Variants in MANBA observed in about 807,000 individuals in gnomAD.
MANBA encodes the protein mannosidase beta.
A neutral mutation model predicts 111.1 loss-of-function variants in MANBA; 83 were observed. The ratio of observed to expected loss-of-function variants is 0.75; its 90% CI spans 0.63 to 0.90. The LOEUF is 0.90. Among genes scored for constraint, MANBA ranks in the 40% least tolerant of loss-of-function variants. The pLI, the probability that MANBA is intolerant of heterozygous loss-of-function variation, is 0.00. For missense variants in MANBA, 1,036 were observed against 1,069.0 expected (o/e 0.97, Z 0.43); for synonymous variants, 370 against 378.7 (o/e 0.98, Z 0.27).
At chr4:102,674,185 C>A in intron 7 of MANBA, 115 bp from the exon 8 acceptor site, 1 of 746,916 alleles carries the variant, frequency 1.3e-6, no homozygotes. Flanking sequence ...TGCTAATTTT[C>A]CTATTTACTA....
chr4:102,655,481 G>A (rs1359986718), intron 12 of MANBA, among the ~76,000 whole-genome samples: 1 of 152,182 alleles, frequency 6.6e-6, no homozygotes, highest in African/African-American at 2.4e-5. Flanking sequence ...GAACAGAATT[G>A]AGAATTCAGA....
At chr4:102,758,124 A>G (rs1724096729) in intron 1 of MANBA, among the ~76,000 whole-genome samples, 1 of 152,216 alleles carries the variant, frequency 6.6e-6, no homozygotes, top group East Asian at 1.9e-4. Context: ...ATGCTTTCCA[A>G]CCAGCCTTCA....
intron 14 of MANBA, among the ~76,000 whole-genome samples, chr4:102,639,265 T>G (rs1578860116): frequency 1.3e-5 from 2 of 152,308 alleles, no homozygotes; most frequent in Middle Eastern, 3.4e-3. Context: ...ACATCTTTAT[T>G]TGTCCTTAAA....
intron 2 of MANBA, among the ~76,000 whole-genome samples, chr4:102,724,910 C>T (rs1722736054): frequency 6.6e-6 from 1 of 152,180 alleles, no homozygotes; most frequent in African/African-American, 2.4e-5. Flanking sequence ...GAATGAAGTA[C>T]TGATACATGC....
Position 102,631,858 on chromosome 4 carries a change from T to C in MANBA, c.*199A>G. 1.6e-6 allele frequency: 1 copy of C among 643,702 alleles called. No homozygotes were observed. Among genetic ancestry groups the C allele is most frequent in the East Asian group, 2.7e-5 (1 of 36,948 alleles). 39.9% of individuals were successfully genotyped at this position (643,702 alleles called of 1,614,324 possible). A position where few individuals can be genotyped will look rare whatever the true frequency, so the allele number is the denominator to read the frequency against. On this transcript the variant is annotated 3_prime_UTR_variant, in exon 17 of 17. Transcript: ENST00000647097. ...TCCAGGACACCCCGGCACAGGCTTG[T>C]TTGAGGACATTGCCTGGGTAAACAG...
intron 12 of MANBA, among the ~76,000 whole-genome samples, chr4:102,654,970 A>C (rs1730497240): frequency 1.3e-5 from 2 of 152,214 alleles, no homozygotes; most frequent in African/African-American, 2.4e-5. Context: ...ATATTATTAG[A>C]GCTAATAAAT....
Position 102,640,374 on chromosome 4 carries a change from T to C in MANBA, c.1870-517A>G, listed in dbSNP as rs115900479. ...TCAAACAATTGTTTTGATGTCATGA[T>C]TTTTGGTAATGTAAGATTTCTCATG... On this transcript the variant is annotated intron_variant, in intron 13 of 16. Coordinates refer to ENST00000647097, the MANE Select transcript of MANBA (RefSeq NM_005908.4). Among the ~76,000 whole-genome samples, 532 of 152,342 alleles carry C rather than the reference T, an allele frequency of 3.5e-3. 5 individuals carry two copies. Among genetic ancestry groups the C allele is most frequent in the Non-Finnish European group, 6.0e-3 (407 of 68,034 alleles).
intron 7 of MANBA, chr4:102,681,534 T>G (rs923804817): frequency 2.0e-5 from 3 of 152,126 alleles, no homozygotes; most frequent in Non-Finnish European, 4.4e-5. Context: ...AAATATGCAC[T>G]TACCAAGCAA....
At chr4:102,725,096 T>G (rs1722742893) in intron 2 of MANBA, among the ~76,000 whole-genome samples, 1 of 151,266 alleles carries the variant, frequency 6.6e-6, no homozygotes, top group Non-Finnish European at 1.5e-5. Context: ...GCAGGAGGAG[T>G]GGGCAATGGG....
intron 12 of MANBA, among the ~76,000 whole-genome samples, chr4:102,657,222 T>TGGGGGGGG (rs1553944231): frequency 7.7e-5 from 4 of 52,202 alleles, no homozygotes; most frequent in Admixed American, 2.5e-4. Context: ...AGGAGTGGGG[T>TGGGGGGGG]GGGGGGGGGG....
chr4:102,729,818 C>G lies in MANBA; in HGVS notation c.178-3135G>C, dbSNP rs188977973. On this transcript the variant is annotated intron_variant, in intron 1 of 16. Transcript: ENST00000647097. ...GCAGGAGGCTCCACTTAGTCTCCAG[C>G]ATCTTGTTCTACTGCTCCAGGAACC... is the stretch of plus-strand genomic sequence containing the variant. 123 of 1,251,680 alleles carry G rather than the reference C, an allele frequency of 9.8e-5. No individual in the cohort carries two copies. The African/African-American group carries it at 1.7e-3, about 17-fold the overall frequency. 77.5% of individuals were successfully genotyped at this position (1,251,680 alleles called of 1,614,324 possible).
At chr4:102,691,796 C>A (rs985689057) in intron 5 of MANBA, among the ~76,000 whole-genome samples, 1 of 152,172 alleles carries the variant, frequency 6.6e-6, no homozygotes, top group African/African-American at 2.4e-5. Context: ...GCATGAGCCA[C>A]CATGCCTGGC....
At position 102,650,575 on chromosome 4, in the gene MANBA, G is replaced by T; in HGVS notation, c.1831C>A (p.Pro611Thr). The T allele has an allele frequency of 6.2e-7, 1 of 1,613,436 alleles. No homozygotes were observed. Among genetic ancestry groups the T allele is most frequent in the African/African-American group, 1.3e-5 (1 of 75,016 alleles). ...ATGGTATCTTTAAATGTGCGTAATG[G>T]ATCTGTGCTTTGGGGGAGTTTGAAA... ...LHFKLPQSTD[P>T]LRTFKDTIYL... is the part of the protein sequence containing the mutation. Residue 611 changes from proline to threonine, a missense_variant, in exon 13 of 17, where the codon CCA becomes ACA. Coordinates refer to ENST00000647097, the MANE Select transcript of MANBA (RefSeq NM_005908.4).
chr4:102,646,016 A>G (rs1578865723), intron 13 of MANBA, among the ~76,000 whole-genome samples: 1 of 152,132 alleles, frequency 6.6e-6, no homozygotes, highest in African/African-American at 2.4e-5. Context: ...CATTGCCCTG[A>G]GTCCTTAGGC....
rs1392022077 is a variant in MANBA at position 102,760,769 on chromosome 4, C to T, written c.126G>A (p.Gly42=). 130 of 1,550,980 alleles carry T rather than the reference C, an allele frequency of 8.4e-5. No individual in the cohort carries two copies. Among genetic ancestry groups the T allele is most frequent in the Non-Finnish European group, 1.1e-4 (130 of 1,147,714 alleles). Residue 42 remains glycine, a synonymous_variant, in exon 1 of 17, where the codon GGG becomes GGA. Transcript: ENST00000647097. ...CNGNGSLELP[G]AVPGCVHSAL... is the part of the protein sequence containing the mutation. ...CGCTGTGCACGCAGCCAGGGACCGC[C>T]CCGGGCAGCTCCAGCGAGCCGTTCC...
At chr4:102,674,870 C>A (rs1403824919) in intron 7 of MANBA, among the ~76,000 whole-genome samples, 1 of 152,192 alleles carries the variant, frequency 6.6e-6, no homozygotes, top group East Asian at 1.9e-4. Flanking sequence ...AAGCCAAAAG[C>A]ACACATTTCT....
chr4:102,634,777 C>G lies in MANBA; in HGVS notation c.2415+11G>C. 4 of 1,613,104 alleles carry G rather than the reference C, an allele frequency of 2.5e-6. No individual in the cohort carries two copies. The highest frequency in any genetic ancestry group is 3.4e-6 in the Non-Finnish European group (4 of 1,180,028). On this transcript the variant is annotated intron_variant, in intron 16 of 16. Transcript: ENST00000647097. ...CACAGTCCCCTGCCCTCCGCCATGACCTGTGCTTACAGTGATCTGCGCCTT... is the reference window on the plus strand; with the variant it reads ...CACAGTCCCCTGCCCTCCGCCATGAGCTGTGCTTACAGTGATCTGCGCCTT...
At chr4:102,711,045 C>T (rs1252241588) in intron 5 of MANBA, among the ~76,000 whole-genome samples, 2 of 152,120 alleles carry the variant, frequency 1.3e-5, no homozygotes, top group East Asian at 1.9e-4. Flanking sequence ...CATTTCAAGA[C>T]ATCGATCTAG....
chr4:102,653,269 G>A (rs1479494550), intron 12 of MANBA, among the ~76,000 whole-genome samples: 1 of 143,466 alleles, frequency 7.0e-6, no homozygotes, highest in Non-Finnish European at 1.5e-5. Context: ...CACACACAAG[G>A]TATTTACTAC....
Sources: gnomAD v4.1 joint callset for allele counts (sites outside exome capture counted in the v4.1 genomes callset) on GRCh38, gnomAD v4.1.1 for gene constraint, MANE v1.5 for transcripts, NCBI Gene and HGNC (gene_info 2026-07-23, HGNC 2026-07-21) for gene names.